The following PIGS variants were observed in gnomAD, a reference collection of about 807,000 sequenced individuals.
PIGS encodes the protein phosphatidylinositol glycan anchor biosynthesis class S, also known as GPI-anchor transamidase component PIGS.
PIGS carries 37 observed loss-of-function variants against 58.2 expected under a neutral mutation model. The observed-to-expected ratio is 0.64, with a 90% confidence interval of 0.49 to 0.84. The LOEUF (loss-of-function observed/expected upper bound fraction) is 0.84, where lower values mean the gene tolerates loss of function less well. Among genes scored for constraint, PIGS ranks in the 40% least tolerant of loss-of-function variants. The pLI is 0.00. For synonymous variants in PIGS, 269 were observed against 289.2 expected (o/e 0.93, Z 0.71); for missense variants, 629 against 710.8 (o/e 0.88, Z 1.31).
intron 5 of PIGS, among the ~76,000 whole-genome samples, chr17:28,562,924 C>T (rs138701224): frequency 0.01 from 1,559 of 152,212 alleles, 25 homozygotes; most frequent in African/African-American, 0.035. Context: ...TGGTCTTGAA[C>T]CCCTGAGTTC....
intron 3 of PIGS, among the ~76,000 whole-genome samples, chr17:28,569,313 A>G (rs1348994200): frequency 6.6e-6 from 1 of 151,752 alleles, no homozygotes; most frequent in Non-Finnish European, 1.5e-5. Context: ...TAAAAATACC[A>G]AAACAAATCA....
rs1430966571 is a variant in PIGS at position 28,571,516 on chromosome 17, G to T, written c.-20C>A. Reference sequence around the variant, plus strand: ...CGCCATGCTAGCTTCCGGCTGCTCCGGCCACCGTGGGGGCAGAGCTTCGTG... The same window carrying T: ...CGCCATGCTAGCTTCCGGCTGCTCCTGCCACCGTGGGGGCAGAGCTTCGTG... On this transcript the variant is annotated 5_prime_UTR_variant, in exon 1 of 12. Coordinates refer to ENST00000308360, the MANE Select transcript of PIGS (RefSeq NM_033198.4). 1.3e-6 allele frequency: 2 copies of T among 1,595,984 alleles called. No individual in the cohort carries two copies. Among genetic ancestry groups the T allele is most frequent in the East Asian group, 2.3e-5 (1 of 43,874 alleles).
chr17:28,569,097 CAAAA>C (rs564819903), intron 3 of PIGS, among the ~76,000 whole-genome samples: 6 of 52,332 alleles, frequency 1.1e-4, no homozygotes, highest in African/African-American at 3.7e-4. Flanking sequence ...AACTCCATCT[CAAAA>C]AAAAAAAAAA....
chr17:28,556,488 A>G (rs534185157), intron 9 of PIGS: 102 of 723,486 alleles, frequency 1.4e-4, no homozygotes, highest in Admixed American at 2.2e-4. Flanking sequence ...TTCTTATCCC[A>G]TTTTAGAATT....
intron 5 of PIGS, 120 bp from the exon 6 acceptor site, chr17:28,561,749 T>C: frequency 1.1e-6 from 1 of 905,732 alleles, no homozygotes; most frequent in South Asian, 1.7e-5. Context: ...TGCACCTCTC[T>C]TGAGATTCAT....
chr17:28,563,831 C>A lies in PIGS; in HGVS notation c.363G>T (p.Ser121=), dbSNP rs141734737. Residue 121 remains serine (S), a synonymous_variant, in exon 4 of 12, where the codon TCG becomes TCT. Transcript: ENST00000308360. ...CCCTTCCCATACCTTGCACACTGCC[C>A]GATGACAGGGCCTCCTCCTCATGGT... ...ALDHEEEALS[S]GSVQEAEAML... The A allele has an allele frequency of 1.2e-5, 19 of 1,613,620 alleles. No individual in the cohort carries two copies. The East Asian group carries it at 2.7e-4, about 23-fold the overall frequency.
chr17:28,560,460 A>G (rs2070356899), intron 6 of PIGS: 1 of 371,152 alleles, frequency 2.7e-6, no homozygotes, highest in South Asian at 3.1e-5. Flanking sequence ...CCTGGCCATC[A>G]TGGAGAAACC....
intron 1 of PIGS, 46 bp downstream of exon 1, chr17:28,571,417 C>T (rs750092216): frequency 1.9e-6 from 3 of 1,603,514 alleles, no homozygotes; most frequent in Admixed American, 1.7e-5. Context: ...CTATTCCTCC[C>T]TTGCCATCAG....
intron 7 of PIGS, among the ~76,000 whole-genome samples, 176 bp downstream of exon 7, chr17:28,559,873 T>C (rs2070352629): frequency 2.0e-5 from 3 of 152,140 alleles, no homozygotes; most frequent in Non-Finnish European, 4.4e-5. Flanking sequence ...AATGGATGGA[T>C]GGACACAGAC....
At chr17:28,556,324 C>T (rs2070328161) in intron 9 of PIGS, 58 bp from the exon 10 acceptor site, 3 of 1,296,472 alleles carry the variant, frequency 2.3e-6, no homozygotes, top group East Asian at 2.3e-5. Flanking sequence ...CAGCTCTGCC[C>T]TAGGCACTCT....
intron 3 of PIGS, among the ~76,000 whole-genome samples, chr17:28,569,851 T>A (rs1597587930): frequency 1.3e-5 from 2 of 152,214 alleles, no homozygotes; most frequent in African/African-American, 4.8e-5. Context: ...AGGCAACACA[T>A]ATAAAATGCT....
intron 6 of PIGS, 79 bp from the exon 7 acceptor site, chr17:28,560,270 GAACTTGTTTCTCCTCT>G: frequency 6.7e-7 from 1 of 1,495,972 alleles, no homozygotes. Context: ...CAGCTGAGCT[GAACTTGTTTCTCCTCT>G]GGAATGGGGC....
chr17:28,571,373 C>A, intron 1 of PIGS, 90 bp downstream of exon 1: 1 of 1,556,898 alleles, frequency 6.4e-7, no homozygotes, highest in Non-Finnish European at 8.7e-7. Flanking sequence ...CCCCCGTCCG[C>A]GGGACCTCTC....
chr17:28,570,577 A>G (rs2070421032), intron 3 of PIGS, among the ~76,000 whole-genome samples: 1 of 152,186 alleles, frequency 6.6e-6, no homozygotes, highest in Non-Finnish European at 1.5e-5. Context: ...TTTAATTTCA[A>G]ACTCTGTGTT....
chr17:28,554,222 A>G lies in PIGS; in HGVS notation c.1666T>C (p.Ter556ArgextTer21). The G allele has an allele frequency of 6.2e-7, 1 of 1,614,032 alleles. No homozygotes were observed. The highest frequency in any genetic ancestry group is 8.5e-7 in the Non-Finnish European group (1 of 1,180,010). The stretch of plus-strand genomic sequence containing the variant: ...TTCCTATGGAGGTGCTGCCCTGCTC[A>G]GTCTGTCTTCTCAGGCTTTCTCCAG... ...KSWRKPEKTD* is the reference protein window; with the variant it reads ...KSWRKPEKTDR Residue 556 changes from the stop codon to arginine, a stop_lost, in exon 12 of 12, where the codon TGA (stop) becomes CGA (arginine). Transcript: ENST00000308360.
rs141812841 is a variant in PIGS at position 28,554,859 on chromosome 17, C to T, written c.1384G>A (p.Ala462Thr). The T allele has an allele frequency of 8.7e-5, 141 of 1,614,070 alleles. No homozygotes were observed. Among genetic ancestry groups the T allele is most frequent in the Non-Finnish European group, 1.2e-4 (137 of 1,180,034 alleles). The change falls in exon 11 of 12, where the codon GCA becomes ACA. Residue 462 changes from alanine to threonine, a missense_variant. Physicochemically the swap from Ala to Thr is moderately conservative, Grantham distance 58. Coordinates refer to ENST00000308360, the MANE Select transcript of PIGS (RefSeq NM_033198.4). Reference sequence around the variant, plus strand: ...ATCCCCTGCCTGCTTACCTCAGATGCCACGTCGTCCTTAATGACAATGTTG... The same window carrying T: ...ATCCCCTGCCTGCTTACCTCAGATGTCACGTCGTCCTTAATGACAATGTTG... Reference protein sequence around the residue: ...ISNIVIKDDVASEVYKAVAAV... With the variant: ...ISNIVIKDDVTSEVYKAVAAV...
Position 28,554,153 on chromosome 17 carries a change from T to C in PIGS, c.*67A>G, listed in dbSNP as rs1040157852. The C allele has an allele frequency of 3.2e-6, 5 of 1,568,944 alleles. No homozygotes were observed. In the African/African-American group the frequency reaches 6.8e-5, roughly 21 times the overall value. On this transcript the variant is annotated 3_prime_UTR_variant, in exon 12 of 12. Coordinates refer to ENST00000308360, the MANE Select transcript of PIGS (RefSeq NM_033198.4). ...GTCATTCCGGCAGGCCCCATGTACG[T>C]GCCTCACAATCTAACACCGCCCACC...
intron 8 of PIGS, 187 bp from the exon 9 acceptor site, chr17:28,557,159 C>T (rs994232210): frequency 8.1e-6 from 5 of 620,798 alleles, no homozygotes; most frequent in East Asian, 3.0e-5. Flanking sequence ...TGTGCCATAC[C>T]GATGGAAACA....
chr17:28,571,318 C>T (rs2070427980), intron 1 of PIGS, 130 bp from the exon 2 acceptor site: 11 of 1,509,830 alleles, frequency 7.3e-6, no homozygotes, highest in Non-Finnish European at 9.8e-6. Flanking sequence ...GCGAAGGGAC[C>T]CGGCCCAAGC....
Sources: allele counts gnomAD v4.1 joint callset (sites outside exome capture counted in the v4.1 genomes callset), GRCh38; gene constraint gnomAD v4.1.1; transcripts MANE v1.5; gene names NCBI Gene and HGNC (gene_info 2026-07-23, HGNC 2026-07-21).